DOCK7: variants seen among roughly 807,000 people sequenced by gnomAD.
The protein encoded by DOCK7 is dedicator of cytokinesis protein 7.
DOCK7 carries 138 observed loss-of-function variants against 271.0 expected under a neutral mutation model. The ratio of observed to expected loss-of-function variants is 0.51; its 90% CI spans 0.44 to 0.59. The LOEUF is 0.59. Among genes scored for constraint, DOCK7 ranks in the 20% least tolerant of loss-of-function variants. The pLI is 0.00. For synonymous variants in DOCK7, 823 were observed against 876.1 expected (o/e 0.94, Z 1.07); for missense variants, 2,066 against 2,592.4 (o/e 0.80, Z 4.41).
intron 1 of DOCK7, among the ~76,000 whole-genome samples, chr1:62,666,435 T>C (rs1396897543): frequency 2.0e-5 from 3 of 152,194 alleles, no homozygotes; most frequent in Non-Finnish European, 4.4e-5. Flanking sequence ...AAAGAAAATC[T>C]ATTAATTTGA....
chr1:62,487,508 C>CATATGTCTCCATAAATGAGAAGACAT lies in DOCK7; in HGVS notation c.5494-97_5494-96insATGTCTTCTCATTTATGGAGACATAT. ...ACCATATACCATAAATTCTTCTCCACAAACAGAAGACAGCAGGATATTTTA... is the reference window on the plus strand; with the variant it reads ...ACCATATACCATAAATTCTTCTCCACATATGTCTCCATAAATGAGAAGACATAAACAGAAGACAGCAGGATATTTTA... On this transcript the variant is annotated intron_variant, in intron 42 of 49. Transcript: ENST00000635253. The CATATGTCTCCATAAATGAGAAGACAT allele has an allele frequency of 6.5e-6, 7 of 1,080,682 alleles. 1 individual carries two copies. The South Asian group carries it at 9.5e-5, about 15-fold the overall frequency. The allele number at this position is 1,080,682 out of a possible 1,614,324, so 66.9% of individuals were successfully genotyped here.
At chr1:62,558,496 C>T (rs1454959672) in intron 20 of DOCK7, among the ~76,000 whole-genome samples, 6 of 152,022 alleles carry the variant, frequency 3.9e-5, no homozygotes, top group Non-Finnish European at 8.8e-5. Flanking sequence ...TGAAGAACAC[C>T]TTTCCTTCCA....
At chr1:62,561,209 G>A (rs1283001385) in intron 19 of DOCK7, among the ~76,000 whole-genome samples, 1 of 152,154 alleles carries the variant, frequency 6.6e-6, no homozygotes, top group African/African-American at 2.4e-5. Context: ...GAAAGAGGAT[G>A]TATAAAACCT....
chr1:62,669,863 C>A (rs1659736585), intron 1 of DOCK7, among the ~76,000 whole-genome samples: 1 of 152,228 alleles, frequency 6.6e-6, no homozygotes, highest in Admixed American at 6.5e-5. Flanking sequence ...GGAGCCCACT[C>A]CCTCAGCTTG....
intron 11 of DOCK7, among the ~76,000 whole-genome samples, chr1:62,626,046 CCAA>C (rs935129833): frequency 2.6e-5 from 4 of 151,936 alleles, no homozygotes. Context: ...AAAATGTTCT[CCAA>C]CAACAGAAGA....
At chr1:62,604,360 C>A (rs376536616) in intron 14 of DOCK7, 2 of 1,186,576 alleles carry the variant, frequency 1.7e-6, no homozygotes, top group Non-Finnish European at 1.2e-6. Context: ...TCTCTCTAGA[C>A]GAAAACCTCT....
chr1:62,537,469 C>A (rs986898016), intron 28 of DOCK7, among the ~76,000 whole-genome samples: 6 of 151,898 alleles, frequency 4.0e-5, no homozygotes, highest in Non-Finnish European at 7.4e-5. Context: ...GTCTGTAGTC[C>A]CAGCTACTCA....
Position 62,636,438 on chromosome 1 carries a change from T to C in DOCK7, c.885+99A>G, listed in dbSNP as rs186564078. The C allele has an allele frequency of 4.6e-4, 397 of 857,940 alleles. 1 individual carries two copies. The African/African-American group carries it at 6.2e-3, about 13-fold the overall frequency. The allele number at this position is 857,940 out of a possible 1,614,324, so 53.1% of individuals were successfully genotyped here. A position where few individuals can be genotyped will look rare whatever the true frequency, so the allele number is the denominator to read the frequency against. ...TCTATTTCCTTTTTAAAAAGATCTA[T>C]GTTTAACAGTTCTCAAAAAAAATCA... On this transcript the variant is annotated intron_variant, in intron 8 of 49. Transcript: ENST00000635253.
Position 62,653,987 on chromosome 1 carries a change from T to C in DOCK7, c.317A>G (p.Glu106Gly). 2 of 1,612,288 alleles carry C rather than the reference T, an allele frequency of 1.2e-6. No homozygotes were observed. Among genetic ancestry groups the C allele is most frequent in the Non-Finnish European group, 1.7e-6 (2 of 1,179,360 alleles). The change falls in exon 3 of 50, where the codon GAA becomes GGA. Residue 106 changes from glutamate to glycine, a missense_variant. Glu to Gly is a moderately conservative substitution (Grantham distance 98, BLOSUM62 -2). Around this residue, in one of 2 missense-constraint regions of DOCK7, gnomAD observed 1,414 missense variants for 1,670.4 expected, o/e 0.85. Coordinates refer to ENST00000635253, the MANE Select transcript of DOCK7 (RefSeq NM_001367561.1). ...AAATAAGTCAATGTCTCCTTACCTT[T>C]CTTCAGGTACAGCTGAAACAAGAGT... ...CRTLVSAVPE[E>G]SEMDPHVRDC...
At chr1:62,462,185 G>T (rs537807364) in intron 48 of DOCK7, among the ~76,000 whole-genome samples, 2 of 151,960 alleles carry the variant, frequency 1.3e-5, no homozygotes, top group African/African-American at 4.8e-5. Flanking sequence ...ACATTTAAAA[G>T]ACCTAAGTAA....
chr1:62,542,049 A>T (rs912431319), intron 25 of DOCK7, among the ~76,000 whole-genome samples: 13 of 151,844 alleles, frequency 8.6e-5, no homozygotes, highest in South Asian at 2.1e-4. Flanking sequence ...TTTAAAAAAA[A>T]ATTTTTTTGG....
chr1:62,656,651 G>C (rs887437637), intron 2 of DOCK7, among the ~76,000 whole-genome samples: 8 of 152,074 alleles, frequency 5.3e-5, no homozygotes, highest in African/African-American at 1.9e-4. Flanking sequence ...AAGGTATAGA[G>C]AAAAAGGCTG....
intron 18 of DOCK7, among the ~76,000 whole-genome samples, chr1:62,567,861 T>C (rs150377498): frequency 3.3e-5 from 5 of 151,914 alleles, no homozygotes; most frequent in African/African-American, 1.2e-4. Flanking sequence ...CTTTTAAAAA[T>C]TTCTTTAAAA....
chr1:62,656,985 G>C (rs1397725852), intron 2 of DOCK7, among the ~76,000 whole-genome samples: 1 of 152,170 alleles, frequency 6.6e-6, no homozygotes, highest in Non-Finnish European at 1.5e-5. Flanking sequence ...AGCACAAGTA[G>C]GGTGTTGGGA....
chr1:62,648,465 C>T lies in DOCK7; in HGVS notation c.469G>A (p.Val157Ile). 1.9e-6 allele frequency: 3 copies of T among 1,545,690 alleles called. No individual in the cohort carries two copies. Among genetic ancestry groups the T allele is most frequent in the Non-Finnish European group, 2.6e-6 (3 of 1,143,804 alleles). ...KERQKGLPKQVFESDEAPDGN... is the reference protein window; with the variant it reads ...KERQKGLPKQIFESDEAPDGN... Reference sequence around the variant, plus strand: ...TCTGGAGCTTCATCAGATTCAAAAACTTGTTTTGGCAAACCTTTTTGCCTT... The same window carrying T: ...TCTGGAGCTTCATCAGATTCAAAAATTTGTTTTGGCAAACCTTTTTGCCTT... The change falls in exon 5 of 50, where the codon GTT becomes ATT. Residue 157 changes from valine (V) to isoleucine (I), a missense_variant. Transcript: ENST00000635253.
Position 62,653,885 on chromosome 1 carries a change from G to A in DOCK7, c.321-92C>T, listed in dbSNP as rs540116156. 81 of 1,495,390 alleles carry A rather than the reference G, an allele frequency of 5.4e-5. 1 individual carries two copies. In the South Asian group the frequency reaches 9.1e-4, roughly 17 times the overall value. 92.6% of individuals were successfully genotyped at this position (1,495,390 alleles called of 1,614,324 possible). ...GCTACAATCGCTGTTTGCGTAACAG[G>A]AAATGATGATGCTATAAGAAGTAGG... On this transcript the variant is annotated intron_variant, in intron 3 of 49. Coordinates refer to ENST00000635253, the MANE Select transcript of DOCK7 (RefSeq NM_001367561.1).
At chr1:62,566,350 T>A (rs1319467406) in intron 18 of DOCK7, among the ~76,000 whole-genome samples, 1 of 152,066 alleles carries the variant, frequency 6.6e-6, no homozygotes, top group Non-Finnish European at 1.5e-5. Context: ...AAAACAGATA[T>A]ATAGACCAAG....
intron 29 of DOCK7, among the ~76,000 whole-genome samples, chr1:62,534,949 G>T (rs1216813155): frequency 2.6e-5 from 4 of 151,922 alleles, no homozygotes; most frequent in Non-Finnish European, 1.5e-5. Context: ...AAATTAGCTG[G>T]GTGTGGTGAC....
At position 62,666,238 on chromosome 1, in the gene DOCK7, T is replaced by C. The variant is rs146369266; in HGVS notation, c.39-3108A>G. ...CATTACTCCATGTACAGCTAATAAA[T>C]AAAAACTTTGCCAATTAACCACCAT... On this transcript the variant is annotated intron_variant, in intron 1 of 49. Coordinates refer to ENST00000635253, the MANE Select transcript of DOCK7 (RefSeq NM_001367561.1). Among the ~76,000 whole-genome samples, 5 of 152,246 alleles carry C rather than the reference T, an allele frequency of 3.3e-5. No homozygotes were observed. In the East Asian group the frequency reaches 9.6e-4, roughly 29 times the overall value.
Sources: allele counts gnomAD v4.1 joint callset (sites outside exome capture counted in the v4.1 genomes callset), GRCh38; gene constraint gnomAD v4.1.1; regional missense constraint gnomAD v4.1.1; transcripts MANE v1.5; gene names NCBI Gene and HGNC (gene_info 2026-07-23, HGNC 2026-07-21).